SNX18: variants seen among roughly 807,000 people sequenced by gnomAD.
The protein encoded by SNX18 is sorting nexin 18.
In SNX18, 35 loss-of-function variants were observed where a neutral mutation model predicts 48.7. The observed-to-expected ratio is 0.72, with a 90% CI of 0.55 to 0.95. The LOEUF is 0.95. SNX18 is among the 40% of genes least tolerant of loss of function. The pLI, the probability that SNX18 is intolerant of heterozygous loss-of-function variation, is 0.00. For missense variants in SNX18, 824 were observed against 871.0 expected (o/e 0.95, Z 0.68); for synonymous variants, 492 against 384.7 (o/e 1.28, Z -3.26).
chr5:54,613,844 A>C, the SNX18 span, among the ~76,000 whole-genome samples: 1 of 152,088 alleles, frequency 6.6e-6, no homozygotes, highest in Non-Finnish European at 1.5e-5. Flanking sequence ...GATTATAGGC[A>C]TGTGCCACCA....
the SNX18 span, among the ~76,000 whole-genome samples, chr5:54,601,583 C>T: frequency 6.6e-6 from 1 of 152,268 alleles, no homozygotes; most frequent in Admixed American, 6.5e-5. Context: ...CTGCATCTTC[C>T]CTCCTGTTCA....
chr5:54,570,528 G>A, the SNX18 span, among the ~76,000 whole-genome samples: 1 of 152,104 alleles, frequency 6.6e-6, no homozygotes, highest in Non-Finnish European at 1.5e-5. Context: ...ATCTTAAATA[G>A]GCCTAAGACA....
the SNX18 span, among the ~76,000 whole-genome samples, chr5:54,554,584 A>G: frequency 6.6e-6 from 1 of 152,260 alleles, no homozygotes; most frequent in Non-Finnish European, 1.5e-5. Flanking sequence ...TTACCAGAAC[A>G]CATGGCCTGT....
the SNX18 span, among the ~76,000 whole-genome samples, chr5:54,576,215 C>G: frequency 6.6e-6 from 1 of 152,142 alleles, no homozygotes; most frequent in South Asian, 2.1e-4. Flanking sequence ...AGGCCCCAGA[C>G]AAGCCATCCC....
At chr5:54,534,304 G>A (rs1476826786) in intron 1 of SNX18, among the ~76,000 whole-genome samples, 1 of 146,514 alleles carries the variant, frequency 6.8e-6, no homozygotes, top group Non-Finnish European at 1.5e-5. Flanking sequence ...TGGGCCTTTT[G>A]TATAATTAGT....
intron 1 of SNX18, among the ~76,000 whole-genome samples, chr5:54,531,742 C>T (rs1394283030): frequency 6.6e-6 from 1 of 152,134 alleles, no homozygotes; most frequent in African/African-American, 2.4e-5. Flanking sequence ...AGGAGTGAGG[C>T]GTGTCCTTAC....
At chr5:54,625,847 G>A in the SNX18 span, among the ~76,000 whole-genome samples, 10 of 152,302 alleles carry the variant, frequency 6.6e-5, no homozygotes, top group African/African-American at 2.4e-4. Flanking sequence ...TCTTGGGAAA[G>A]AAATCTCTTT....
chr5:54,639,438 A>G, the SNX18 span, among the ~76,000 whole-genome samples: 1 of 152,238 alleles, frequency 6.6e-6, no homozygotes, highest in Non-Finnish European at 1.5e-5. Flanking sequence ...CAGATGGACA[A>G]ATGAACTTGG....
chr5:54,543,201 G>A lies in SNX18; in HGVS notation c.1644G>A (p.Glu548=). ...VQKGALTKVK[E]SRRHVEEGKM... ...CAGGAGCTCTTACCAAAGTCAAGGA[G>A]AGTAGGCGACACGTGGAGGAAGGGA... Residue 548 remains glutamate (E), a synonymous_variant, in exon 2 of 2, where the codon GAG becomes GAA. Coordinates refer to ENST00000381410, the MANE Select transcript of SNX18 (RefSeq NM_001102575.2). 6.2e-7 allele frequency: 1 copy of A among 1,614,048 alleles called. No homozygotes were observed. The highest frequency in any genetic ancestry group is 8.5e-7 in the Non-Finnish European group (1 of 1,179,994).
the SNX18 span, among the ~76,000 whole-genome samples, chr5:54,601,712 C>T: frequency 6.6e-6 from 1 of 152,110 alleles, no homozygotes. Flanking sequence ...CACTGGTTTC[C>T]AGTTCTGCCT....
chr5:54,575,368 C>CTTTT, the SNX18 span, among the ~76,000 whole-genome samples: 147 of 111,724 alleles, frequency 1.3e-3, 3 homozygotes, highest in African/African-American at 4.7e-3. Flanking sequence ...CTCCCCACTG[C>CTTTT]TTTTTTTTTT....
chr5:54,548,229 T>G (rs1294608451), downstream of SNX18, among the ~76,000 whole-genome samples: 1 of 152,204 alleles, frequency 6.6e-6, no homozygotes, highest in Non-Finnish European at 1.5e-5. Context: ...ACCAGAAGCA[T>G]GCCAAAGGCA....
chr5:54,547,639 G>A (rs916990784), downstream of SNX18, among the ~76,000 whole-genome samples: 2 of 152,306 alleles, frequency 1.3e-5, no homozygotes, highest in African/African-American at 4.8e-5. Flanking sequence ...TCAACAGAAG[G>A]TCTGACTGCA....
At chr5:54,585,335 A>G in the SNX18 span, among the ~76,000 whole-genome samples, 3 of 151,522 alleles carry the variant, frequency 2.0e-5, no homozygotes, top group Non-Finnish European at 2.9e-5. Flanking sequence ...CACAATGTAC[A>G]TATCCCGACA....
chr5:54,547,593 G>A (rs1168315086), downstream of SNX18, among the ~76,000 whole-genome samples: 3 of 152,188 alleles, frequency 2.0e-5, no homozygotes, highest in Non-Finnish European at 2.9e-5. Flanking sequence ...ATTTCTGCTG[G>A]GAAAGGTGAG....
At chr5:54,608,303 C>T in the SNX18 span, among the ~76,000 whole-genome samples, 58 of 152,268 alleles carry the variant, frequency 3.8e-4, no homozygotes, top group African/African-American at 1.2e-3. Context: ...ATTTGCCATC[C>T]GTATAGCCTC....
chr5:54,614,799 T>C, the SNX18 span, among the ~76,000 whole-genome samples: 1 of 152,156 alleles, frequency 6.6e-6, no homozygotes, highest in Non-Finnish European at 1.5e-5. Flanking sequence ...GGTGATTAAA[T>C]CTTTTAAAAA....
chr5:54,581,195 T>C, the SNX18 span, among the ~76,000 whole-genome samples: 135 of 152,280 alleles, frequency 8.9e-4, no homozygotes, highest in Non-Finnish European at 1.5e-3. Context: ...TCCTCTTCCA[T>C]GTCCTCTCTG....
the SNX18 span, among the ~76,000 whole-genome samples, chr5:54,615,216 C>A: frequency 1.3e-5 from 2 of 152,178 alleles, no homozygotes; most frequent in African/African-American, 4.8e-5. Context: ...TTTTGTCTCT[C>A]GACTTCCAGA....
Sources: gnomAD v4.1 joint callset for allele counts (sites outside exome capture counted in the v4.1 genomes callset) on GRCh38, gnomAD v4.1.1 for gene constraint, MANE v1.5 for transcripts, NCBI Gene and HGNC (gene_info 2026-07-23, HGNC 2026-07-21) for gene names.